Variants in PLXDC2 observed in about 807,000 individuals in gnomAD.
PLXDC2 encodes the protein plexin domain containing 2.
PLXDC2 carries 40 observed loss-of-function variants against 68.9 expected under a neutral mutation model. The observed-to-expected ratio is 0.58, with a 90% CI of 0.45 to 0.76. PLXDC2 has a LOEUF of 0.76. Among genes scored for constraint, PLXDC2 ranks in the 30% least tolerant of loss-of-function variants. The pLI is 0.00. For synonymous variants in PLXDC2, 243 were observed against 234.2 expected, an observed-to-expected ratio of 1.04 and a Z score of -0.34; for missense variants, 644 against 661.9, an observed-to-expected ratio of 0.97 and a Z score of 0.30.
At chr10:20,100,569 C>T (rs1180089866) in intron 4 of PLXDC2, among the ~76,000 whole-genome samples, 1 of 152,140 alleles carries the variant, frequency 6.6e-6, no homozygotes, top group Non-Finnish European at 1.5e-5. Context: ...AATACGGTTG[C>T]TCTGGACATG....
chr10:20,198,124 G>A (rs1487215875), intron 9 of PLXDC2, among the ~76,000 whole-genome samples: 1 of 152,148 alleles, frequency 6.6e-6, no homozygotes, highest in African/African-American at 2.4e-5. Flanking sequence ...CCTAGGGAAG[G>A]CAGCTTGGGT....
At chr10:20,205,836 A>G (rs11011867) in intron 9 of PLXDC2, among the ~76,000 whole-genome samples, 36,361 of 152,044 alleles carry the variant, frequency 0.24, 5,699 homozygotes, top group Middle Eastern at 0.36. Flanking sequence ...AGGGAAAATA[A>G]GAGTACAACA....
At chr10:20,069,043 G>C (rs11011779) in intron 4 of PLXDC2, among the ~76,000 whole-genome samples, 1 of 152,104 alleles carries the variant, frequency 6.6e-6, no homozygotes, top group East Asian at 1.9e-4. Context: ...AATTCCATAG[G>C]TGTACAAAGA....
intron 11 of PLXDC2, 35 bp from the exon 12 acceptor site, chr10:20,219,029 T>G: frequency 6.2e-7 from 1 of 1,603,038 alleles, no homozygotes; most frequent in Non-Finnish European, 8.5e-7. Context: ...AAATCAATCC[T>G]TTTCTGTTAT....
At chr10:20,201,320 T>C (rs538109874) in intron 9 of PLXDC2, among the ~76,000 whole-genome samples, 2 of 152,154 alleles carry the variant, frequency 1.3e-5, no homozygotes, top group South Asian at 4.1e-4. Context: ...TTCTCATTCA[T>C]ATGCAGAAGC....
At chr10:19,875,747 G>A (rs1417368339) in intron 1 of PLXDC2, among the ~76,000 whole-genome samples, 2 of 152,144 alleles carry the variant, frequency 1.3e-5, no homozygotes, top group African/African-American at 2.4e-5. Flanking sequence ...GACATCAACA[G>A]CAAAATTTGT....
In PLXDC2 at chr10:20,177,065, T is replaced by C. The variant is rs764840758; in HGVS notation, c.950T>C (p.Ile317Thr). 5 of 1,611,772 alleles carry C rather than the reference T, an allele frequency of 3.1e-6. No individual in the cohort carries two copies. Among genetic ancestry groups the C allele is most frequent in the Non-Finnish European group, 4.2e-6 (5 of 1,178,634 alleles). Residue 317 changes from isoleucine (I) to threonine (T), a missense_variant, in exon 8 of 14, where the codon ATT (isoleucine) becomes ACT (threonine). Physicochemically the swap from Ile to Thr is moderately conservative, Grantham distance 89. This residue lies in a region of PLXDC2 where 330 missense variants were observed against 327.9 expected (regional missense o/e 1.01). Transcript: ENST00000377252. ...CTACAAATGTCAAAAATTACCAACA[T>C]TTCGGCTGTGGAGATGACCCCATTA... ...VELQMSKITN[I>T]SAVEMTPLPT...
At chr10:20,170,990 G>A (rs1589663901) in intron 7 of PLXDC2, among the ~76,000 whole-genome samples, 1 of 151,900 alleles carries the variant, frequency 6.6e-6, no homozygotes, top group Non-Finnish European at 1.5e-5. Flanking sequence ...TCAAATATAA[G>A]TGTATTTATT....
rs548261423 is a variant in PLXDC2, at chr10:20,287,883, G to A, written c.*8064G>A. The A allele has an allele frequency of 2.9e-4, 44 of 149,666 alleles. No individual in the cohort carries two copies. The highest frequency in any genetic ancestry group is 1.0e-3 in the African/African-American group (42 of 40,654). The allele number at this position is 149,666 out of a possible 1,614,324, so 9.3% of individuals were successfully genotyped here. Reference sequence around the variant, plus strand: ...TGCCAGCTGGGATCATGGGAACTTCGAATGCCAGGAATTTACTACTGTTTC... The same window carrying A: ...TGCCAGCTGGGATCATGGGAACTTCAAATGCCAGGAATTTACTACTGTTTC... On this transcript the variant is annotated 3_prime_UTR_variant, in exon 14 of 14. Transcript: ENST00000377252.
chr10:20,182,484 T>A (rs757911089), intron 9 of PLXDC2, among the ~76,000 whole-genome samples: 12 of 152,026 alleles, frequency 7.9e-5, no homozygotes, highest in Non-Finnish European at 1.8e-4. Context: ...ACAATTTATT[T>A]ACTATTTGCC....
At chr10:20,083,993 T>C (rs1213751794) in intron 4 of PLXDC2, among the ~76,000 whole-genome samples, 1 of 152,234 alleles carries the variant, frequency 6.6e-6, no homozygotes, top group Admixed American at 6.5e-5. Context: ...TTTTATGTTA[T>C]TGGCAACTAT....
intron 4 of PLXDC2, among the ~76,000 whole-genome samples, chr10:20,136,228 G>C (rs918353077): frequency 6.6e-6 from 1 of 152,166 alleles, no homozygotes; most frequent in Non-Finnish European, 1.5e-5. Context: ...GAGGAAGTCT[G>C]TTATGTAAAA....
intron 1 of PLXDC2, among the ~76,000 whole-genome samples, chr10:19,901,588 G>T (rs1180583638): frequency 6.6e-6 from 1 of 152,096 alleles, no homozygotes; most frequent in Non-Finnish European, 1.5e-5. Context: ...TCCTTTGTCG[G>T]ATGTATAGAT....
intron 12 of PLXDC2, among the ~76,000 whole-genome samples, chr10:20,219,937 C>G (rs766305862): frequency 1.3e-5 from 2 of 152,062 alleles, no homozygotes; most frequent in Non-Finnish European, 2.9e-5. Context: ...ATGTTTTTCT[C>G]TATAATGGTA....
At chr10:19,997,683 A>G (rs971305080) in intron 1 of PLXDC2, among the ~76,000 whole-genome samples, 6 of 152,202 alleles carry the variant, frequency 3.9e-5, no homozygotes, top group African/African-American at 1.4e-4. Flanking sequence ...CTTTTATATT[A>G]TATTAGAGTA....
At position 20,172,230 on chromosome 10, in the gene PLXDC2, GAAAAAA is replaced by G. The variant is rs571463676; in HGVS notation, c.884-4755_884-4750del. Among the ~76,000 whole-genome samples, 40 of 110,600 alleles carry G rather than the reference GAAAAAA, an allele frequency of 3.6e-4. 1 individual carries two copies. The highest frequency in any genetic ancestry group is 1.0e-3 in the Admixed American group (11 of 10,528). 72.6% of individuals were successfully genotyped at this position (110,600 alleles called of 152,430 possible). On this transcript the variant is annotated intron_variant, in intron 7 of 13. Coordinates refer to ENST00000377252, the MANE Select transcript of PLXDC2 (RefSeq NM_032812.9). ...AAGTCACAGTCTCCTTTGTGAAAAG[GAAAAAA>G]AAAAAAAAAAAAAGAGAGAGAGAGA... is the stretch of plus-strand genomic sequence containing the variant.
intron 1 of PLXDC2, among the ~76,000 whole-genome samples, chr10:19,899,033 G>A (rs1838114394): frequency 1.3e-5 from 2 of 152,100 alleles, no homozygotes; most frequent in South Asian, 4.1e-4. Flanking sequence ...AAACAACCCA[G>A]AAACTCAAAA....
rs1833708449 is a variant in PLXDC2, at chr10:19,935,534, C to G, written c.113-66241C>G. ...TGGGAGCTCAGGCTGGACGTGCCAC[C>G]ACTTCCTCTTTGGCTGCAATGCACA... On this transcript the variant is annotated intron_variant, in intron 1 of 13. Transcript: ENST00000377252. Among the ~76,000 whole-genome samples the G allele has an allele frequency of 3.3e-5, 5 of 152,188 alleles. No homozygotes were observed. The South Asian group carries it at 1.0e-3, about 31-fold the overall frequency.
chr10:19,887,513 C>G (rs934610083), intron 1 of PLXDC2, among the ~76,000 whole-genome samples: 3 of 152,000 alleles, frequency 2.0e-5, no homozygotes, highest in African/African-American at 7.3e-5. Flanking sequence ...CAGAGTGAGA[C>G]TTTATCTCAA....
Sources: allele counts gnomAD v4.1 joint callset (sites outside exome capture counted in the v4.1 genomes callset), GRCh38; gene constraint gnomAD v4.1.1; regional missense constraint gnomAD v4.1.1; transcripts MANE v1.5; gene names NCBI Gene and HGNC (gene_info 2026-07-23, HGNC 2026-07-21).